Variants in AAR2 observed in about 807,000 individuals in gnomAD.
AAR2 encodes the protein AAR2 splicing factor, also known as protein AAR2 homolog.
Under a neutral mutation model 26.9 loss-of-function variants are expected in AAR2, and 31 were observed. The ratio of observed to expected loss-of-function variants is 1.15; its 90% CI spans 0.86 to 1.55. The LOEUF is 1.55. AAR2 is among the 40% of genes most tolerant of loss of function. The pLI is 0.00. For missense variants in AAR2, 430 were observed against 491.3 expected (o/e 0.88, Z 1.18); for synonymous variants, 188 against 196.1 (o/e 0.96, Z 0.34).
At chr20:36,240,788 T>C (rs541157145) in intron 2 of AAR2, among the ~76,000 whole-genome samples, 163 bp downstream of exon 2, 81 of 152,344 alleles carry the variant, frequency 5.3e-4, no homozygotes, top group African/African-American at 1.8e-3. Flanking sequence ...AGATTTCGAT[T>C]TGAGAGATCT....
chr20:36,240,508 C>T lies in AAR2; in HGVS notation c.640C>T (p.Gln214Ter), dbSNP rs200342935. 3 of 1,614,078 alleles carry T rather than the reference C, an allele frequency of 1.9e-6. No homozygotes were observed. Among genetic ancestry groups the T allele is most frequent in the African/African-American group, 1.3e-5 (1 of 75,048 alleles). The change falls in exon 2 of 4, where the codon CAG (glutamine) becomes TAG (stop). Residue 214 changes from glutamine (Q) to a stop codon, truncating the protein, a stop_gained. Coordinates refer to ENST00000320849, the MANE Select transcript of AAR2 (RefSeq NM_001271874.2). LOFTEE classifies it high-confidence loss of function. ...GATCCGCTTCTCAGAGCTGCCCACG[C>T]AGATGTTCCCAGAGGGTGCCACGCC... ...TEIRFSELPTQMFPEGATPAE... is the reference protein window; with the variant it reads ...TEIRFSELPT
intron 3 of AAR2, among the ~76,000 whole-genome samples, chr20:36,247,031 G>A (rs1465323191): frequency 6.6e-6 from 1 of 152,154 alleles, no homozygotes; most frequent in East Asian, 1.9e-4. Flanking sequence ...CTGTATAGAA[G>A]ACTCTGTTCT....
At position 36,240,641 on chromosome 20, in the gene AAR2, G is replaced by A. The variant is rs780307244; in HGVS notation, c.757+16G>A. ...GATGTGCTTGGTGAGAAGGAACAAG[G>A]CTCTTTGGGAGTGGGCCAAGGGGAG... On this transcript the variant is annotated intron_variant, in intron 2 of 3. Coordinates refer to ENST00000320849, the MANE Select transcript of AAR2 (RefSeq NM_001271874.2). The A allele has an allele frequency of 9.4e-6, 15 of 1,602,720 alleles. 1 individual carries two copies. The Admixed American group carries it at 1.8e-4, about 20-fold the overall frequency.
intron 3 of AAR2, among the ~76,000 whole-genome samples, chr20:36,245,380 A>G (rs2064724637): frequency 6.6e-6 from 1 of 152,246 alleles, no homozygotes; most frequent in Admixed American, 6.5e-5. Flanking sequence ...CAGAGATTCT[A>G]TGACAGAAAA....
chr20:36,244,008 C>CT (rs138162308), intron 2 of AAR2, among the ~76,000 whole-genome samples: 1 of 152,190 alleles, frequency 6.6e-6, no homozygotes. Flanking sequence ...ATGAATTTTT[C>CT]TTTTGTGGGA....
intron 2 of AAR2, among the ~76,000 whole-genome samples, chr20:36,241,169 T>G (rs1166010708): frequency 6.6e-6 from 1 of 152,204 alleles, no homozygotes; most frequent in African/African-American, 2.4e-5. Context: ...ACTTCAAATC[T>G]CACTACTTAG....
At chr20:36,242,553 G>A (rs2064694491) in intron 2 of AAR2, among the ~76,000 whole-genome samples, 1 of 151,934 alleles carries the variant, frequency 6.6e-6, no homozygotes, top group South Asian at 2.1e-4. Flanking sequence ...ACCACGCCCG[G>A]CTAATTTTGT....
At chr20:36,237,806 C>T (rs1450573667) in intron 1 of AAR2, among the ~76,000 whole-genome samples, 5 of 136,660 alleles carry the variant, frequency 3.7e-5, no homozygotes, top group Non-Finnish European at 6.5e-5. Flanking sequence ...TATTTTGAGA[C>T]GGAATTCGCT....
chr20:36,251,174 T>C (rs1454318435), intron 3 of AAR2, among the ~76,000 whole-genome samples: 1 of 151,410 alleles, frequency 6.6e-6, no homozygotes, highest in Non-Finnish European at 1.5e-5. Flanking sequence ...CCAGCCTAGG[T>C]GACAGAGTGA....
rs1402548703 is a variant in AAR2, at chr20:36,239,944, A to G, written c.76A>G (p.Met26Val). The G allele has an allele frequency of 6.2e-7, 1 of 1,614,052 alleles. No homozygotes were observed. Among genetic ancestry groups the G allele is most frequent in the Non-Finnish European group, 8.5e-7 (1 of 1,179,900 alleles). ...FEGATVVILNMPKGTEFGIDY... is the reference protein window; with the variant it reads ...FEGATVVILNVPKGTEFGIDY... ...AGGGGCCACTGTGGTCATCCTGAAC[A>G]TGCCCAAGGGAACAGAGTTTGGGAT... Residue 26 changes from methionine (M) to valine (V), a missense_variant, in exon 2 of 4, where the codon ATG (methionine) becomes GTG (valine). Transcript: ENST00000320849.
intron 3 of AAR2, among the ~76,000 whole-genome samples, chr20:36,251,423 A>G (rs903553338): frequency 2.0e-5 from 3 of 149,082 alleles, no homozygotes; most frequent in African/African-American, 7.4e-5. Context: ...AATAAGGTTG[A>G]TTTTTTTTTT....
chr20:36,253,588 G>A (rs1413697159), intron 3 of AAR2, among the ~76,000 whole-genome samples: 5 of 152,066 alleles, frequency 3.3e-5, no homozygotes, highest in Admixed American at 2.6e-4. Context: ...TCTTAGGGAG[G>A]GACTGGGATC....
At chr20:36,237,008 G>A (rs1293836053) in intron 1 of AAR2, among the ~76,000 whole-genome samples, 2 of 152,190 alleles carry the variant, frequency 1.3e-5, no homozygotes, top group Non-Finnish European at 2.9e-5. Flanking sequence ...ACCTGACCTA[G>A]CCCCAGGGCA....
intron 2 of AAR2, among the ~76,000 whole-genome samples, chr20:36,244,066 G>A (rs954307934): frequency 2.0e-5 from 3 of 152,336 alleles, no homozygotes; most frequent in South Asian, 2.1e-4. Flanking sequence ...TTATCTTTCC[G>A]TTGCCCACAT....
chr20:36,239,760 C>T (rs1355571781), intron 1 of AAR2, 61 bp from the exon 2 acceptor site: 4 of 1,339,734 alleles, frequency 3.0e-6, no homozygotes, highest in Non-Finnish European at 3.0e-6. Context: ...ATACAGAATG[C>T]TTAGCAAATG....
rs2064716949 is a variant in AAR2, at chr20:36,244,749, A to G, written c.810A>G (p.Ala270=). 1.9e-6 allele frequency: 3 copies of G among 1,614,026 alleles called. No individual in the cohort carries two copies. Among genetic ancestry groups the G allele is most frequent in the Admixed American group, 1.7e-5 (1 of 59,990 alleles). ...TCCTGCTGGGGAATGTGTACGAGGC[A>G]TTTGAGCATTGGAAGCGGCTCCTGA... The part of the protein sequence containing the change: ...VCFLLGNVYE[A]FEHWKRLLNL... Residue 270 remains alanine (A), a synonymous_variant, in exon 3 of 4, where the codon GCA becomes GCG. Coordinates refer to ENST00000320849, the MANE Select transcript of AAR2 (RefSeq NM_001271874.2).
intron 3 of AAR2, among the ~76,000 whole-genome samples, chr20:36,253,123 A>G (rs929620761): frequency 6.6e-6 from 1 of 150,902 alleles, no homozygotes; most frequent in African/African-American, 2.4e-5. Context: ...CTCCAACGGA[A>G]TGGCTCCAGA....
intron 3 of AAR2, among the ~76,000 whole-genome samples, chr20:36,250,358 T>C (rs913616504): frequency 1.3e-5 from 2 of 152,278 alleles, no homozygotes; most frequent in African/African-American, 4.8e-5. Context: ...TCAGTATTGA[T>C]ATGCTGAGAT....
intron 3 of AAR2, among the ~76,000 whole-genome samples, chr20:36,248,492 C>T (rs748451042): frequency 2.6e-5 from 4 of 152,040 alleles, no homozygotes; most frequent in Admixed American, 1.3e-4. Context: ...TGCACCACCA[C>T]GCCAACCTAA....
Sources: gnomAD v4.1 joint callset for allele counts (sites outside exome capture counted in the v4.1 genomes callset) on GRCh38, gnomAD v4.1.1 for gene constraint, MANE v1.5 for transcripts, NCBI Gene and HGNC (gene_info 2026-07-23, HGNC 2026-07-21) for gene names.